FMNL2: variants seen among roughly 807,000 people sequenced by gnomAD.
The protein encoded by FMNL2 is formin like 2.
In FMNL2, 51 loss-of-function variants were observed where a neutral mutation model predicts 130.2. The observed-to-expected ratio is 0.39, with a 90% CI of 0.31 to 0.49. The LOEUF (loss-of-function observed/expected upper bound fraction) is 0.49. Ranked by LOEUF, FMNL2 falls within the 20% of genes least tolerant of loss-of-function variation. The pLI, the probability that FMNL2 is intolerant of heterozygous loss-of-function variation, is 0.85. For synonymous variants in FMNL2, 465 were observed against 467.1 expected (o/e 1.00, Z 0.06); for missense variants, 977 against 1,316.2 (o/e 0.74, Z 3.99).
At position 152,619,116 on chromosome 2, in the gene FMNL2, C is replaced by A; in HGVS notation, c.1585C>A (p.Pro529Thr). Residue 529 changes from proline to threonine, a missense_variant, in exon 14 of 26, where the codon CCT (proline) becomes ACT (threonine). Pro to Thr is a conservative substitution (Grantham distance 38). Around this residue, in one of 4 missense-constraint regions of FMNL2, gnomAD observed 689 missense variants for 995.9 expected, o/e 0.69. Coordinates refer to ENST00000288670, the MANE Select transcript of FMNL2 (RefSeq NM_052905.4). ...GAASSGPLPP[P>T]PPPLPPSSDT... is the part of the protein sequence containing the mutation. ...CGCTTCCTCAGGACCCTTGCCCCCTCCTCCACCACCACTGCCTCCCTCATC... is the reference window on the plus strand; with the variant it reads ...CGCTTCCTCAGGACCCTTGCCCCCTACTCCACCACCACTGCCTCCCTCATC... The A allele has an allele frequency of 1.3e-6, 2 of 1,598,654 alleles. No individual in the cohort carries two copies. Among genetic ancestry groups the A allele is most frequent in the African/African-American group, 1.3e-5 (1 of 74,536 alleles).
At chr2:152,479,984 G>A (rs1690403080) in intron 1 of FMNL2, among the ~76,000 whole-genome samples, 1 of 152,110 alleles carries the variant, frequency 6.6e-6, no homozygotes, top group African/African-American at 2.4e-5. Flanking sequence ...CCTATAACTC[G>A]TTCGGCGGAA....
chr2:152,341,743 G>A (rs1681821011), intron 1 of FMNL2, among the ~76,000 whole-genome samples: 1 of 152,222 alleles, frequency 6.6e-6, no homozygotes, highest in Non-Finnish European at 1.5e-5. Context: ...AGAGCTTTCA[G>A]GTGGAAATGT....
intron 9 of FMNL2, among the ~76,000 whole-genome samples, chr2:152,593,866 T>A (rs62179592): frequency 0.058 from 4,984 of 85,864 alleles, 187 homozygotes; most frequent in East Asian, 0.32. Context: ...AGAGAGTGTG[T>A]GTGTGTGTGT....
At chr2:152,444,807 T>A (rs1688251086) in intron 1 of FMNL2, among the ~76,000 whole-genome samples, 1 of 152,204 alleles carries the variant, frequency 6.6e-6, no homozygotes, top group Non-Finnish European at 1.5e-5. Context: ...TAACTCAGTG[T>A]CCCCTGCTCC....
At chr2:152,446,574 G>GT (rs1363667752) in intron 1 of FMNL2, among the ~76,000 whole-genome samples, 4 of 152,170 alleles carry the variant, frequency 2.6e-5, no homozygotes, top group Non-Finnish European at 5.9e-5. Flanking sequence ...TCTTTGTGAA[G>GT]TACCAGGTAA....
At chr2:152,431,576 C>A (rs1687492242) in intron 1 of FMNL2, among the ~76,000 whole-genome samples, 1 of 152,110 alleles carries the variant, frequency 6.6e-6, no homozygotes, top group African/African-American at 2.4e-5. Flanking sequence ...TCAAATATAT[C>A]ATTTTTATGT....
At chr2:152,507,546 C>T (rs1372189942) in intron 1 of FMNL2, among the ~76,000 whole-genome samples, 3 of 152,204 alleles carry the variant, frequency 2.0e-5, no homozygotes, top group Admixed American at 6.5e-5. Flanking sequence ...GGAGTAGATA[C>T]TGTCCTTATT....
intron 2 of FMNL2, among the ~76,000 whole-genome samples, chr2:152,528,979 T>C (rs1693549214): frequency 6.6e-6 from 1 of 152,128 alleles, no homozygotes; most frequent in Non-Finnish European, 1.5e-5. Context: ...TCACCTGCAC[T>C]CTTACTTGTT....
intron 9 of FMNL2, among the ~76,000 whole-genome samples, chr2:152,603,670 G>A (rs993762904): frequency 4.0e-5 from 6 of 150,842 alleles, no homozygotes; most frequent in African/African-American, 1.2e-4. Flanking sequence ...GTCCACATGT[G>A]CTTTTCCAGC....
intron 1 of FMNL2, among the ~76,000 whole-genome samples, chr2:152,391,920 T>TC (rs1685136116): frequency 6.8e-6 from 1 of 146,330 alleles, no homozygotes; most frequent in Non-Finnish European, 1.5e-5. Context: ...TTTTTTTTTT[T>TC]TTTTTTCAAA....
intron 4 of FMNL2, 60 bp from the exon 5 acceptor site, chr2:152,558,680 T>C (rs751081114): frequency 1.8e-4 from 268 of 1,484,946 alleles, no homozygotes; most frequent in Non-Finnish European, 2.3e-4. Flanking sequence ...ATTGTGTCCG[T>C]TCCATGGCAG....
intron 1 of FMNL2, among the ~76,000 whole-genome samples, chr2:152,341,745 T>A (rs1681821173): frequency 6.6e-6 from 1 of 152,146 alleles, no homozygotes; most frequent in Admixed American, 6.5e-5. Flanking sequence ...AGCTTTCAGG[T>A]GGAAATGTGT....
chr2:152,340,333 A>G (rs1408118513), intron 1 of FMNL2, among the ~76,000 whole-genome samples: 1 of 152,216 alleles, frequency 6.6e-6, no homozygotes. Context: ...TGGGAAGAAA[A>G]AAAGGGCCTG....
intron 1 of FMNL2, among the ~76,000 whole-genome samples, chr2:152,357,861 C>T (rs1465831292): frequency 6.6e-6 from 1 of 152,150 alleles, no homozygotes; most frequent in African/African-American, 2.4e-5. Context: ...CTTTATAGAC[C>T]ATAACTGTGA....
chr2:152,417,649 A>G (rs557052819), intron 1 of FMNL2, among the ~76,000 whole-genome samples: 59 of 152,074 alleles, frequency 3.9e-4, no homozygotes, highest in African/African-American at 1.4e-3. Context: ...CACCTGATGT[A>G]TATCCCCTTT....
intron 1 of FMNL2, among the ~76,000 whole-genome samples, chr2:152,468,612 G>A (rs993643217): frequency 6.1e-4 from 92 of 151,968 alleles, no homozygotes; most frequent in African/African-American, 2.2e-3. Context: ...TTTTATGTTG[G>A]TTACATATTG....
chr2:152,399,514 G>C (rs1685574377), intron 1 of FMNL2, among the ~76,000 whole-genome samples: 1 of 152,168 alleles, frequency 6.6e-6, no homozygotes, highest in Admixed American at 6.5e-5. Flanking sequence ...TGGGGTGTTG[G>C]ACCCATGGAA....
intron 1 of FMNL2, among the ~76,000 whole-genome samples, chr2:152,466,084 T>C (rs1035369975): frequency 6.6e-6 from 1 of 152,250 alleles, no homozygotes; most frequent in Non-Finnish European, 1.5e-5. Context: ...TCTTGATCTT[T>C]CTGAGCCATG....
intron 9 of FMNL2, among the ~76,000 whole-genome samples, chr2:152,596,278 CTTG>C (rs1252534279): frequency 6.6e-6 from 1 of 151,948 alleles, no homozygotes; most frequent in Non-Finnish European, 1.5e-5. Flanking sequence ...TTTTTTCTAC[CTTG>C]GAAAATGGTG....
Sources: gnomAD v4.1 joint callset for allele counts (sites outside exome capture counted in the v4.1 genomes callset) on GRCh38, gnomAD v4.1.1 for gene constraint, gnomAD v4.1.1 regional missense constraint, MANE v1.5 for transcripts, NCBI Gene and HGNC (gene_info 2026-07-23, HGNC 2026-07-21) for gene names.